Variants in PCDH15 observed in about 807,000 individuals in gnomAD.
PCDH15 encodes protocadherin related 15, also known as protocadherin-15.
Under a neutral mutation model 178.5 loss-of-function variants are expected in PCDH15, and 129 were observed. That is an observed-to-expected ratio of 0.72 (90% CI 0.63 to 0.84). PCDH15 has a LOEUF of 0.84. Among genes scored for constraint, PCDH15 ranks in the 40% least tolerant of loss-of-function variants. PCDH15 has a pLI of 0.00. For missense variants in PCDH15, 2,230 were observed against 2,099.9 expected, an observed-to-expected ratio of 1.06 and a Z score of -1.21; for synonymous variants, 800 against 732.0, an observed-to-expected ratio of 1.09 and a Z score of -1.50.
At chr10:55,269,769 A>G (rs1262629143) in intron 1 of PCDH15, among the ~76,000 whole-genome samples, 1 of 152,022 alleles carries the variant, frequency 6.6e-6, no homozygotes, top group Non-Finnish European at 1.5e-5. Context: ...TTTCACAGTT[A>G]GAAAAAAAAA....
At chr10:55,389,904 A>G (rs991114755) in intron 2 of PCDH15, among the ~76,000 whole-genome samples, 3 of 152,156 alleles carry the variant, frequency 2.0e-5, no homozygotes, top group Non-Finnish European at 4.4e-5. Flanking sequence ...TAAATTATAA[A>G]TCTTGTTTCA....
At chr10:53,818,209 C>G (rs1319812406) in intron 33 of PCDH15, 196 bp from the exon 34 acceptor site, 1 of 375,490 alleles carries the variant, frequency 2.7e-6, no homozygotes. Context: ...ACCTGAATTA[C>G]TAAAATAATG....
intron 2 of PCDH15, among the ~76,000 whole-genome samples, chr10:54,925,051 T>A (rs2131847334): frequency 6.6e-6 from 1 of 152,332 alleles, no homozygotes; most frequent in East Asian, 1.9e-4. Context: ...TTGCCAAGGT[T>A]GTCTTCTAGG....
intron 2 of PCDH15, among the ~76,000 whole-genome samples, chr10:55,061,219 A>C (rs1325555439): frequency 6.6e-6 from 1 of 152,230 alleles, no homozygotes; most frequent in Non-Finnish European, 1.5e-5. Flanking sequence ...AAACTCAACA[A>C]AAAGTAAGAC....
At chr10:53,820,819 A>C (rs905818731) in intron 32 of PCDH15, among the ~76,000 whole-genome samples, 4 of 152,036 alleles carry the variant, frequency 2.6e-5, no homozygotes, top group African/African-American at 9.7e-5. Flanking sequence ...TACTACAACT[A>C]CAGAAATCTC....
intron 3 of PCDH15, among the ~76,000 whole-genome samples, chr10:54,880,743 A>G (rs1024551773): frequency 2.7e-5 from 4 of 150,294 alleles, no homozygotes; most frequent in Non-Finnish European, 4.4e-5. Context: ...ATTAAATTAT[A>G]CATTTCCACA....
At chr10:54,526,647 A>AT (rs1373553003) in intron 3 of PCDH15, among the ~76,000 whole-genome samples, 1 of 152,244 alleles carries the variant, frequency 6.6e-6, no homozygotes, top group Non-Finnish European at 1.5e-5. Context: ...ATAAGGATAG[A>AT]TTTTAAAAAC....
chr10:55,461,056 C>A (rs1839666376), intron 2 of PCDH15, among the ~76,000 whole-genome samples: 1 of 152,152 alleles, frequency 6.6e-6, no homozygotes, highest in Non-Finnish European at 1.5e-5. Flanking sequence ...CCTGTGTTAG[C>A]TCCAGACACT....
chr10:53,956,060 C>A (rs1195152627), intron 23 of PCDH15, among the ~76,000 whole-genome samples: 1 of 151,848 alleles, frequency 6.6e-6, no homozygotes, highest in Admixed American at 6.6e-5. Flanking sequence ...TCATATTTTG[C>A]AATATGAATG....
intron 1 of PCDH15, among the ~76,000 whole-genome samples, chr10:54,767,415 G>T (rs1431004248): frequency 6.6e-6 from 1 of 152,084 alleles, no homozygotes; most frequent in Non-Finnish European, 1.5e-5. Flanking sequence ...TAGAGGAAAA[G>T]CCTCCCATTT....
chr10:54,022,557 GA>G (rs1384404665), intron 19 of PCDH15, among the ~76,000 whole-genome samples: 1 of 152,052 alleles, frequency 6.6e-6, no homozygotes, highest in African/African-American at 2.4e-5. Context: ...CAATGTGGGA[GA>G]TTATTAACTT....
intron 17 of PCDH15, among the ~76,000 whole-genome samples, chr10:54,077,600 C>T (rs1325035035): frequency 6.6e-6 from 1 of 152,178 alleles, no homozygotes; most frequent in East Asian, 1.9e-4. Context: ...AATTATACCT[C>T]TTAATCTATG....
At chr10:54,809,441 G>A (rs996593960) in intron 3 of PCDH15, among the ~76,000 whole-genome samples, 13 of 151,974 alleles carry the variant, frequency 8.6e-5, no homozygotes, top group Non-Finnish European at 1.5e-4. Context: ...TCAATTTTTA[G>A]CATTTTTATG....
At chr10:54,295,220 A>T (rs1027501454) in intron 8 of PCDH15, among the ~76,000 whole-genome samples, 6 of 152,196 alleles carry the variant, frequency 3.9e-5, no homozygotes, top group Admixed American at 1.3e-4. Context: ...TAAATGCACC[A>T]ATCAGCACTC....
At chr10:55,434,400 T>A (rs1465119720) in intron 2 of PCDH15, among the ~76,000 whole-genome samples, 1 of 152,064 alleles carries the variant, frequency 6.6e-6, no homozygotes, top group Admixed American at 6.6e-5. Flanking sequence ...TCTTGGCTAA[T>A]TATATCTCCA....
At chr10:54,907,345 A>T (rs1386820085) in intron 2 of PCDH15, among the ~76,000 whole-genome samples, 2 of 152,208 alleles carry the variant, frequency 1.3e-5, no homozygotes, top group South Asian at 4.1e-4. Flanking sequence ...TCCAAAATGT[A>T]TTGAGAAGAA....
In PCDH15 at chr10:54,971,809, C is replaced by T. The variant is rs116873776; in HGVS notation, c.-79-74309G>A. Among the ~76,000 whole-genome samples the T allele has an allele frequency of 5.7e-3, 871 of 152,228 alleles. 5 individuals are homozygous for T. The highest frequency in any genetic ancestry group is 9.3e-3 in the Non-Finnish European group (634 of 68,020). On this transcript the variant is annotated intron_variant, in intron 2 of 5. Transcript: ENST00000458638. ...TGGCTAAGAACTAAATATTCCCATACGTATATATAAACTCAAGTTTTCAGT... is the reference window on the plus strand; with the variant it reads ...TGGCTAAGAACTAAATATTCCCATATGTATATATAAACTCAAGTTTTCAGT...
At chr10:55,570,406 T>A (rs1842386569) in intron 2 of PCDH15, among the ~76,000 whole-genome samples, 1 of 151,960 alleles carries the variant, frequency 6.6e-6, no homozygotes, top group African/African-American at 2.4e-5. Flanking sequence ...TTCACTTAAG[T>A]ATTAATAGAA....
intron 2 of PCDH15, among the ~76,000 whole-genome samples, chr10:55,466,919 G>A (rs1839842690): frequency 6.6e-6 from 1 of 152,096 alleles, no homozygotes; most frequent in Non-Finnish European, 1.5e-5. Flanking sequence ...TTTTTTCAGA[G>A]ATGTGCTCTT....
Sources: gnomAD v4.1 joint callset for allele counts (sites outside exome capture counted in the v4.1 genomes callset) on GRCh38, gnomAD v4.1.1 for gene constraint, MANE v1.5 for transcripts, NCBI Gene and HGNC (gene_info 2026-07-23, HGNC 2026-07-21) for gene names.